The following BAZ2B variants were observed in gnomAD, a reference collection of about 807,000 sequenced individuals.
BAZ2B encodes bromodomain adjacent to zinc finger domain protein 2B.
A neutral mutation model predicts 246.0 loss-of-function variants in BAZ2B; 91 were observed. That is an observed-to-expected ratio of 0.37 (90% CI 0.31 to 0.44). The LOEUF (loss-of-function observed/expected upper bound fraction) is 0.44. Among genes scored for constraint, BAZ2B ranks in the 20% least tolerant of loss-of-function variants. The probability of loss-of-function intolerance (pLI) is 1.00; values close to 1 mark genes in which losing one functional copy is unlikely to be tolerated. For missense variants in BAZ2B, 2,332 were observed against 2,533.7 expected (o/e 0.92, Z 1.71); for synonymous variants, 855 against 860.0 (o/e 0.99, Z 0.10).
the BAZ2B span, among the ~76,000 whole-genome samples, chr2:159,652,501 C>T: frequency 5.9e-5 from 9 of 151,830 alleles, no homozygotes; most frequent in Non-Finnish European, 1.0e-4. Context: ...TGAGCCACCG[C>T]GCCTGGCCAC....
chr2:159,377,638 C>A (rs898129642), intron 25 of BAZ2B, among the ~76,000 whole-genome samples: 1 of 151,774 alleles, frequency 6.6e-6, no homozygotes, highest in African/African-American at 2.4e-5. Flanking sequence ...CATGGTGAAA[C>A]CCTGTCTCTA....
chr2:159,363,677 CAGA>C (rs1253946512), intron 27 of BAZ2B, among the ~76,000 whole-genome samples: 2 of 152,072 alleles, frequency 1.3e-5, no homozygotes, highest in East Asian at 3.9e-4. Flanking sequence ...TGCTCATAAA[CAGA>C]AGGAATGATA....
At chr2:159,550,101 A>G (rs2087964895) in intron 2 of BAZ2B, among the ~76,000 whole-genome samples, 1 of 152,072 alleles carries the variant, frequency 6.6e-6, no homozygotes, top group Admixed American at 6.6e-5. Context: ...TCAGCCTCCC[A>G]AAGTCCTGGG....
At chr2:159,544,866 G>A (rs963905437) in intron 2 of BAZ2B, among the ~76,000 whole-genome samples, 6 of 152,244 alleles carry the variant, frequency 3.9e-5, no homozygotes, top group Admixed American at 6.5e-5. Flanking sequence ...TGGAAACAGA[G>A]GGAAATTAAT....
At chr2:159,691,160 G>A in the BAZ2B span, among the ~76,000 whole-genome samples, 15 of 152,196 alleles carry the variant, frequency 9.9e-5, no homozygotes, top group African/African-American at 1.7e-4. Context: ...CAGCATCTAC[G>A]GAGATAATTA....
At chr2:159,508,597 A>C (rs1186280298) in intron 2 of BAZ2B, among the ~76,000 whole-genome samples, 1 of 121,424 alleles carries the variant, frequency 8.2e-6, no homozygotes, top group Non-Finnish European at 1.9e-5. Flanking sequence ...ATTGCCTCAG[A>C]GGTTTGCCAA....
At chr2:159,354,430 A>G (rs903477762) in intron 27 of BAZ2B, among the ~76,000 whole-genome samples, 3 of 152,140 alleles carry the variant, frequency 2.0e-5, no homozygotes, top group African/African-American at 7.2e-5. Context: ...GGTTCACTGC[A>G]ACCTCCACCT....
At chr2:159,549,137 C>T (rs1235770601) in intron 2 of BAZ2B, among the ~76,000 whole-genome samples, 1 of 151,986 alleles carries the variant, frequency 6.6e-6, no homozygotes, top group Admixed American at 6.6e-5. Context: ...AAAAATTAGC[C>T]AGGCATGGTG....
chr2:159,691,960 A>T, the BAZ2B span, among the ~76,000 whole-genome samples: 1 of 152,196 alleles, frequency 6.6e-6, no homozygotes, highest in Non-Finnish European at 1.5e-5. Flanking sequence ...GCAGTTATTA[A>T]TACTGCATCA....
intron 27 of BAZ2B, among the ~76,000 whole-genome samples, chr2:159,355,888 C>G (rs185302590): frequency 6.6e-6 from 1 of 152,168 alleles, no homozygotes; most frequent in African/African-American, 2.4e-5. Flanking sequence ...GCAAGGGGTC[C>G]GGGAACTCCC....
the BAZ2B span, among the ~76,000 whole-genome samples, chr2:159,685,385 C>CA: frequency 2.0e-4 from 30 of 152,184 alleles, 1 homozygote; most frequent in Admixed American, 9.2e-4. Context: ...GTGCATCTTA[C>CA]AACATTCAGC....
the BAZ2B span, among the ~76,000 whole-genome samples, chr2:159,642,238 C>CTTTTTTTTTTTTTT: frequency 3.0e-5 from 4 of 131,724 alleles, no homozygotes; most frequent in Non-Finnish European, 6.4e-5. Flanking sequence ...TTCTTTCTTT[C>CTTTTTTTTTTTTTT]TTTTTTTTTT....
intron 2 of BAZ2B, among the ~76,000 whole-genome samples, chr2:159,496,600 T>C (rs1453014480): frequency 1.3e-5 from 2 of 150,088 alleles, no homozygotes; most frequent in Admixed American, 6.7e-5. Flanking sequence ...CTGACCAACA[T>C]GGAGAAACCC....
chr2:159,442,993 TG>T (rs2073698569), intron 6 of BAZ2B, among the ~76,000 whole-genome samples: 1 of 152,224 alleles, frequency 6.6e-6, no homozygotes, highest in Admixed American at 6.5e-5. Context: ...GCTATGAGTA[TG>T]GGTATACAGA....
chr2:159,377,597 G>A (rs866483073), intron 25 of BAZ2B, among the ~76,000 whole-genome samples: 8 of 151,890 alleles, frequency 5.3e-5, no homozygotes, highest in South Asian at 2.1e-4. Flanking sequence ...GGTGGATCAC[G>A]AGGTCAAGAG....
At chr2:159,675,059 T>C in the BAZ2B span, among the ~76,000 whole-genome samples, 2 of 152,018 alleles carry the variant, frequency 1.3e-5, no homozygotes, top group South Asian at 2.1e-4. Context: ...AACACACAAA[T>C]ACGGAACTGG....
intron 1 of BAZ2B, among the ~76,000 whole-genome samples, chr2:159,612,368 CTAGG>C (rs1318139321): frequency 6.6e-6 from 1 of 152,028 alleles, no homozygotes; most frequent in Non-Finnish European, 1.5e-5. Flanking sequence ...AAATACCTAA[CTAGG>C]TAACTTAATT....
intron 2 of BAZ2B, among the ~76,000 whole-genome samples, chr2:159,550,893 T>C (rs2088085550): frequency 6.6e-6 from 1 of 152,110 alleles, no homozygotes; most frequent in Non-Finnish European, 1.5e-5. Flanking sequence ...TGGAGTACAA[T>C]GGTACAATCT....
At position 159,416,310 on chromosome 2, in the gene BAZ2B, T is replaced by C. The variant is rs1022764218; in HGVS notation, c.2467-3765A>G. Among the ~76,000 whole-genome samples the C allele has an allele frequency of 7.2e-5, 11 of 152,330 alleles. No individual in the cohort carries two copies. The East Asian group carries it at 2.1e-3, about 29-fold the overall frequency. On this transcript the variant is annotated intron_variant, in intron 13 of 36. Coordinates refer to ENST00000392783, the MANE Select transcript of BAZ2B (RefSeq NM_013450.4). ...CAAATAAAGTCAATAGGAACAATAG[T>C]TGTACAAAGTGTACTTTTAGGCCAT...
Sources: allele counts gnomAD v4.1 joint callset (sites outside exome capture counted in the v4.1 genomes callset), GRCh38; gene constraint gnomAD v4.1.1; transcripts MANE v1.5; gene names NCBI Gene and HGNC (gene_info 2026-07-23, HGNC 2026-07-21).